Variants in TRAPPC8 observed in about 807,000 individuals in gnomAD.
TRAPPC8 encodes trafficking protein particle complex subunit 8, also known as general sporulation gene 1 homolog.
A neutral mutation model predicts 174.3 loss-of-function variants in TRAPPC8; 54 were observed. That is an observed-to-expected ratio of 0.31 (90% CI 0.25 to 0.39). The LOEUF (loss-of-function observed/expected upper bound fraction) is 0.39, where lower values mean the gene tolerates loss of function less well. TRAPPC8 is among the 10% of genes least tolerant of loss of function. The probability of loss-of-function intolerance (pLI) is 1.00; values close to 1 mark genes in which losing one functional copy is unlikely to be tolerated. For missense variants in TRAPPC8, 1,531 were observed against 1,699.1 expected, an observed-to-expected ratio of 0.90 and a Z score of 1.74; for synonymous variants, 630 against 579.9, an observed-to-expected ratio of 1.09 and a Z score of -1.24.
intron 5 of TRAPPC8, among the ~76,000 whole-genome samples, chr18:31,911,746 GACTCCGTCTCAAAAAAAA>G (rs1391990385): frequency 2.1e-5 from 2 of 97,330 alleles, no homozygotes; most frequent in Admixed American, 3.2e-4. Flanking sequence ...GATAGAGTAA[GACTCCGTCTCAAAAAAAA>G]AAAAAAAAAA....
At chr18:31,918,863 G>A (rs1568135628) in intron 2 of TRAPPC8, among the ~76,000 whole-genome samples, 1 of 152,056 alleles carries the variant, frequency 6.6e-6, no homozygotes. Context: ...GGTTTCACTA[G>A]GTTTTAAGCA....
chr18:31,897,972 C>T, intron 10 of TRAPPC8, 81 bp from the exon 11 acceptor site: 6 of 1,243,970 alleles, frequency 4.8e-6, no homozygotes, highest in Non-Finnish European at 6.7e-6. Context: ...CAAAAGATTC[C>T]AATTACAGTT....
At chr18:31,861,357 T>TAAATAC (rs2034311920) in intron 19 of TRAPPC8, among the ~76,000 whole-genome samples, 1 of 152,134 alleles carries the variant, frequency 6.6e-6, no homozygotes, top group South Asian at 2.1e-4. Flanking sequence ...GAAGCAAAGT[T>TAAATAC]AAATACAGAC....
chr18:31,842,622 A>G (rs1230990892), intron 26 of TRAPPC8, among the ~76,000 whole-genome samples: 2 of 152,182 alleles, frequency 1.3e-5, no homozygotes. Flanking sequence ...ACTGATGGAC[A>G]GTTTCTTTCT....
intron 19 of TRAPPC8, among the ~76,000 whole-genome samples, chr18:31,858,401 T>C (rs1423401891): frequency 1.3e-5 from 2 of 152,198 alleles, no homozygotes; most frequent in Non-Finnish European, 2.9e-5. Context: ...TGAAAAGATA[T>C]GCCAGATTTA....
At chr18:31,859,272 T>C (rs2034201193) in intron 19 of TRAPPC8, among the ~76,000 whole-genome samples, 1 of 152,160 alleles carries the variant, frequency 6.6e-6, no homozygotes, top group Admixed American at 6.5e-5. Flanking sequence ...GAGTGGGACT[T>C]CATTATGGCC....
At position 31,935,548 on chromosome 18, in the gene TRAPPC8, T is replaced by TGAAAAAAAAA. The variant is rs745488703; in HGVS notation, c.158-4026_158-4025insTTTTTTTTTC. On this transcript the variant is annotated intron_variant, in intron 1 of 28. Transcript: ENST00000283351. The stretch of plus-strand genomic sequence containing the variant: ...GGGCAACAAGAGCGAAACTCCATCT[T>TGAAAAAAAAA]AAAAAAAAAAAAAAAAAAAAGCAGG... 1.3e-3 allele frequency among the ~76,000 whole-genome samples: 62 copies of TGAAAAAAAAA among 46,256 alleles called. 12 individuals are homozygous for TGAAAAAAAAA. The highest frequency in any genetic ancestry group is 1.7e-3 in the African/African-American group (15 of 9,032). The allele number at this position is 46,256 out of a possible 152,430, so 30.3% of individuals were successfully genotyped here. A position where few individuals can be genotyped will look rare whatever the true frequency, so the allele number is the denominator to read the frequency against.
At chr18:31,941,117 A>G (rs1188258956) in intron 1 of TRAPPC8, among the ~76,000 whole-genome samples, 1 of 152,212 alleles carries the variant, frequency 6.6e-6, no homozygotes, top group Non-Finnish European at 1.5e-5. Context: ...TACACATATA[A>G]AAGTAAAACT....
intron 12 of TRAPPC8, 78 bp from the exon 13 acceptor site, chr18:31,874,782 T>C (rs1419096522): frequency 3.3e-6 from 4 of 1,199,286 alleles, no homozygotes; most frequent in Admixed American, 2.4e-5. Context: ...AACACACACA[T>C]AGAAACAATT....
At chr18:31,875,090 T>C (rs1203335037) in intron 12 of TRAPPC8, among the ~76,000 whole-genome samples, 1 of 152,174 alleles carries the variant, frequency 6.6e-6, no homozygotes, top group Non-Finnish European at 1.5e-5. Flanking sequence ...AGGCAAGGGA[T>C]ATGTAAACAA....
At chr18:31,927,673 G>C (rs998704106) in intron 2 of TRAPPC8, among the ~76,000 whole-genome samples, 4 of 152,206 alleles carry the variant, frequency 2.6e-5, no homozygotes, top group Non-Finnish European at 5.9e-5. Flanking sequence ...AAAGCGCTGG[G>C]ATTAGAGGCC....
intron 25 of TRAPPC8, among the ~76,000 whole-genome samples, chr18:31,848,496 A>G (rs2033530527): frequency 6.6e-6 from 1 of 152,214 alleles, no homozygotes; most frequent in Non-Finnish European, 1.5e-5. Context: ...GATTTCGCCA[A>G]TAATGTATAA....
intron 5 of TRAPPC8, among the ~76,000 whole-genome samples, chr18:31,911,992 G>A (rs1198141291): frequency 6.6e-6 from 1 of 151,984 alleles, no homozygotes; most frequent in East Asian, 1.9e-4. Context: ...TACCTTAGAA[G>A]TCTGACAAAA....
At chr18:31,929,886 CTG>C (rs1230552726) in intron 2 of TRAPPC8, among the ~76,000 whole-genome samples, 1 of 152,032 alleles carries the variant, frequency 6.6e-6, no homozygotes, top group African/African-American at 2.4e-5. Context: ...ATGCTAGGAA[CTG>C]TTAAGAAATT....
intron 9 of TRAPPC8, among the ~76,000 whole-genome samples, chr18:31,904,330 A>G (rs140292612): frequency 0.011 from 1,667 of 152,236 alleles, 95 homozygotes; most frequent in Admixed American, 0.098. Flanking sequence ...TGGGTGGATC[A>G]CCTGAAGTCT....
intron 16 of TRAPPC8, among the ~76,000 whole-genome samples, chr18:31,868,481 C>T (rs1476466839): frequency 6.6e-6 from 1 of 152,096 alleles, no homozygotes; most frequent in African/African-American, 2.4e-5. Context: ...GCTAATAAAT[C>T]TTTTTAAAAA....
At chr18:31,901,110 TTGC>T (rs1362593306) in intron 9 of TRAPPC8, 85 bp from the exon 10 acceptor site, 2 of 1,256,838 alleles carry the variant, frequency 1.6e-6, no homozygotes, top group East Asian at 2.6e-5. Flanking sequence ...GGAATGAAAT[TTGC>T]TGTTTTTTTT....
At chr18:31,882,412 C>A (rs542916355) in intron 12 of TRAPPC8, among the ~76,000 whole-genome samples, 1 of 151,260 alleles carries the variant, frequency 6.6e-6, no homozygotes, top group Non-Finnish European at 1.5e-5. Context: ...TGGGCATGCA[C>A]GGACATAAAG....
rs534121601 is a variant in TRAPPC8 at position 31,866,501 on chromosome 18, CA to C, written c.2590+347del. Reference sequence around the variant, plus strand: ...CCATGTTTTATAAAAAGGAAATATTCAAAAAAAAAAGAACATATTAAGATGG... The same window carrying C: ...CCATGTTTTATAAAAAGGAAATATTCAAAAAAAAAGAACATATTAAGATGG... On this transcript the variant is annotated intron_variant, in intron 18 of 28. Coordinates refer to ENST00000283351, the MANE Select transcript of TRAPPC8 (RefSeq NM_014939.5). Among the ~76,000 whole-genome samples the C allele has an allele frequency of 6.9e-3, 978 of 142,230 alleles. 6 individuals carry two copies. The highest frequency in any genetic ancestry group is 0.012 in the South Asian group (56 of 4,502). 93.3% of individuals were successfully genotyped at this position (142,230 alleles called of 152,430 possible). A position where few individuals can be genotyped will look rare whatever the true frequency, so the allele number is the denominator to read the frequency against.
Sources: allele counts gnomAD v4.1 joint callset (sites outside exome capture counted in the v4.1 genomes callset), GRCh38; gene constraint gnomAD v4.1.1; transcripts MANE v1.5; gene names NCBI Gene and HGNC (gene_info 2026-07-23, HGNC 2026-07-21).